RELL1: variants seen among roughly 807,000 people sequenced by gnomAD.
The protein encoded by RELL1 is RELT-like protein 1.
A neutral mutation model predicts 23.0 loss-of-function variants in RELL1; 10 were observed. That is an observed-to-expected ratio of 0.43 (90% CI 0.27 to 0.74). The LOEUF (loss-of-function observed/expected upper bound fraction) is 0.74. Among genes scored for constraint, RELL1 ranks in the 30% least tolerant of loss-of-function variants. The pLI is 0.19. For missense variants in RELL1, 315 were observed against 364.4 expected, an observed-to-expected ratio of 0.86 and a Z score of 1.10; for synonymous variants, 146 against 146.8, an observed-to-expected ratio of 0.99 and a Z score of 0.04.
rs61732595 is a variant in RELL1 at position 37,631,469 on chromosome 4, C to T, written c.735G>A (p.Leu245=). The change falls in exon 6 of 7, where the codon CTG becomes CTA. Residue 245 remains leucine, a synonymous_variant. Coordinates refer to ENST00000454158, the MANE Select transcript of RELL1 (RefSeq NM_001085400.2). ...HKSNQKERRS[L]MSVSGAETVN... ...CGGTTTCAGCCCCACTAACAGACAT[C>T]AGGCTTCTCCGTTCCTTCTGGTTTG... 2,809 of 1,614,144 alleles carry T rather than the reference C, an allele frequency of 1.7e-3. 44 individuals carry two copies. The African/African-American group carries it at 0.034, about 20-fold the overall frequency.
chr4:37,621,781 G>C (rs1433709572), intron 6 of RELL1, among the ~76,000 whole-genome samples: 1 of 152,222 alleles, frequency 6.6e-6, no homozygotes, highest in Non-Finnish European at 1.5e-5. Flanking sequence ...TGCCCAGGGA[G>C]ATATGTGTTA....
chr4:37,672,352 A>G (rs1721862228), intron 1 of RELL1, among the ~76,000 whole-genome samples: 1 of 152,144 alleles, frequency 6.6e-6, no homozygotes, highest in Non-Finnish European at 1.5e-5. Context: ...AGTAACAAAA[A>G]ATGTTCCTAT....
At chr4:37,645,920 G>A (rs1026795955) in intron 3 of RELL1, among the ~76,000 whole-genome samples, 5 of 152,242 alleles carry the variant, frequency 3.3e-5, no homozygotes, top group African/African-American at 7.2e-5. Context: ...GGGCAGGCAG[G>A]TGCTCTTGTG....
chr4:37,617,043 T>G (rs1315369634), intron 6 of RELL1, among the ~76,000 whole-genome samples: 1 of 152,230 alleles, frequency 6.6e-6, no homozygotes, highest in Admixed American at 6.5e-5. Flanking sequence ...ACCTTCTTAT[T>G]TTAATAAAGG....
At chr4:37,621,959 C>T (rs1357627451) in intron 6 of RELL1, among the ~76,000 whole-genome samples, 1 of 152,220 alleles carries the variant, frequency 6.6e-6, no homozygotes, top group Non-Finnish European at 1.5e-5. Flanking sequence ...TAGTTGATGA[C>T]AGTAAAGCAT....
At chr4:37,674,488 C>T (rs1184169124) in intron 1 of RELL1, among the ~76,000 whole-genome samples, 2 of 152,104 alleles carry the variant, frequency 1.3e-5, no homozygotes, top group South Asian at 2.1e-4. Context: ...CTGTGTTTTG[C>T]CTTTAGAAGG....
At chr4:37,649,095 AG>A (rs1720803251) in intron 2 of RELL1, among the ~76,000 whole-genome samples, 180 bp downstream of exon 2, 1 of 152,252 alleles carries the variant, frequency 6.6e-6, no homozygotes, top group Non-Finnish European at 1.5e-5. Flanking sequence ...GCAGGTATTC[AG>A]TAATGAAAGC....
intron 1 of RELL1, among the ~76,000 whole-genome samples, chr4:37,683,653 G>C (rs1386012678): frequency 6.6e-6 from 1 of 151,986 alleles, no homozygotes; most frequent in Non-Finnish European, 1.5e-5. Context: ...AGCTACTAGG[G>C]AGGCTGAGGC....
intron 1 of RELL1, among the ~76,000 whole-genome samples, chr4:37,669,426 A>AC (rs1721725052): frequency 9.9e-6 from 1 of 101,354 alleles, no homozygotes; most frequent in African/African-American, 3.7e-5. Context: ...TCAGCCCCCC[A>AC]CCCGGCCAGC....
At chr4:37,639,068 C>T (rs1358049467) in intron 3 of RELL1, among the ~76,000 whole-genome samples, 2 of 152,098 alleles carry the variant, frequency 1.3e-5, no homozygotes, top group African/African-American at 4.8e-5. Context: ...CATATAAGCC[C>T]TTGACTGGCC....
rs1553871536 is a variant in RELL1 at position 37,604,840 on chromosome 4, G to GAC, written c.*4-13625_*4-13624dup. Reference sequence around the variant, plus strand: ...ACACACAGACACACACATACACACAGACACACACACAGACACACACACACA... The same window carrying GAC: ...ACACACAGACACACACATACACACAGACACACACACACAGACACACACACACA... On this transcript the variant is annotated intron_variant, in intron 6 of 6. Coordinates refer to the RELL1 transcript ENST00000314117. Among the ~76,000 whole-genome samples the GAC allele has an allele frequency of 2.6e-3, 98 of 37,872 alleles. 3 individuals carry two copies. The East Asian group carries it at 0.047, about 18-fold the overall frequency. 24.8% of individuals were successfully genotyped at this position (37,872 alleles called of 152,430 possible). A position where few individuals can be genotyped will look rare whatever the true frequency, so the allele number is the denominator to read the frequency against.
At chr4:37,641,240 C>G (rs941817993) in intron 3 of RELL1, among the ~76,000 whole-genome samples, 5 of 152,138 alleles carry the variant, frequency 3.3e-5, no homozygotes, top group Admixed American at 2.6e-4. Flanking sequence ...GACACACACA[C>G]ACACACCCAC....
chr4:37,588,224 TGCA>T (rs1208731063), downstream of RELL1: 1 of 152,312 alleles, frequency 6.6e-6, no homozygotes, highest in African/African-American at 2.4e-5. Flanking sequence ...GTCTTTGAGC[TGCA>T]AAAGAACAGG....
In RELL1 at chr4:37,631,581, G is replaced by A. The variant is rs1321414480; in HGVS notation, c.681-58C>T. 6 of 1,573,590 alleles carry A rather than the reference G, an allele frequency of 3.8e-6. No individual in the cohort carries two copies. In the Admixed American group the frequency reaches 7.4e-5, roughly 20 times the overall value. ...TGCTTTTCTAATAAACAAGAATTAT[G>A]AATAAAGCAAAAATCATCCACCCAG... On this transcript the variant is annotated intron_variant, in intron 5 of 6. Transcript: ENST00000454158.
At chr4:37,631,637 G>C (rs1295127608) in intron 5 of RELL1, 114 bp from the exon 6 acceptor site, 7 of 1,159,724 alleles carry the variant, frequency 6.0e-6, no homozygotes, top group Non-Finnish European at 8.5e-6. Flanking sequence ...CCAAAAGTTA[G>C]GACACAAATG....
chr4:37,588,849 G>C (rs201083900), downstream of RELL1: 480 of 1,610,048 alleles, frequency 3.0e-4, no homozygotes, highest in Middle Eastern at 8.3e-4. Flanking sequence ...TTTCCAGGTG[G>C]TAACAGAAAA....
At chr4:37,684,560 C>G (rs1722335215) in intron 1 of RELL1, among the ~76,000 whole-genome samples, 1 of 152,176 alleles carries the variant, frequency 6.6e-6, no homozygotes, top group South Asian at 2.1e-4. Flanking sequence ...GATTCTGTTG[C>G]AACTGACTCT....
In RELL1 at chr4:37,681,526, T is replaced by G. The variant is rs1243667067; in HGVS notation, c.88+4674A>C. ...CATCAGGGTCTCCTTCTGTTTTTTT[T>G]TTTTTTTTTTTTTTTTTTTTGAGAC... On this transcript the variant is annotated intron_variant, in intron 1 of 6. Coordinates refer to ENST00000454158, the MANE Select transcript of RELL1 (RefSeq NM_001085400.2). Among the ~76,000 whole-genome samples, 4 of 136,396 alleles carry G rather than the reference T, an allele frequency of 2.9e-5. No individual in the cohort carries two copies. In the East Asian group the frequency reaches 8.4e-4, roughly 29 times the overall value. 89.5% of individuals were successfully genotyped at this position (136,396 alleles called of 152,430 possible). A position where few individuals can be genotyped will look rare whatever the true frequency, so the allele number is the denominator to read the frequency against.
chr4:37,647,325 G>A (rs748998338), intron 3 of RELL1, 43 bp downstream of exon 3: 1 of 1,387,042 alleles, frequency 7.2e-7, no homozygotes, highest in Non-Finnish European at 1.0e-6. Context: ...TTTAATAAAG[G>A]ATAGGAATAC....
Sources: allele counts gnomAD v4.1 joint callset (sites outside exome capture counted in the v4.1 genomes callset), GRCh38; gene constraint gnomAD v4.1.1; transcripts MANE v1.5; gene names NCBI Gene and HGNC (gene_info 2026-07-23, HGNC 2026-07-21).